The following NFILZ variants were observed in gnomAD, a reference collection of about 807,000 sequenced individuals.
NFILZ encodes NFIL3 like protein.
At chr19:8,657,059 G>T (rs1555748594) in intron 3 of NFILZ, among the ~76,000 whole-genome samples, 1 of 152,024 alleles carries the variant, frequency 6.6e-6, no homozygotes, top group African/African-American at 2.4e-5. Flanking sequence ...CTGTTGAAAG[G>T]AGTCTTGTTC....
chr19:8,634,610 A>G (rs1449755658), intron 2 of NFILZ, among the ~76,000 whole-genome samples: 1 of 152,180 alleles, frequency 6.6e-6, no homozygotes, highest in Non-Finnish European at 1.5e-5. Context: ...GTGTGGTGGC[A>G]CAGGCCTATA....
intron 3 of NFILZ, among the ~76,000 whole-genome samples, chr19:8,656,673 G>A (rs919758396): frequency 9.8e-5 from 15 of 152,306 alleles, no homozygotes; most frequent in African/African-American, 3.6e-4. Context: ...TCCCTGCTGC[G>A]CCCAGGCCTG....
intron 2 of NFILZ, among the ~76,000 whole-genome samples, chr19:8,634,792 A>T (rs1353350365): frequency 7.9e-5 from 12 of 152,100 alleles, no homozygotes; most frequent in Non-Finnish European, 4.4e-5. Flanking sequence ...AGGTGGGAGG[A>T]TCACTTGAAT....
intron 2 of NFILZ, among the ~76,000 whole-genome samples, chr19:8,633,477 G>A (rs575180177): frequency 2.4e-4 from 37 of 152,208 alleles, no homozygotes; most frequent in African/African-American, 6.5e-4. Flanking sequence ...GGGAAGCTGC[G>A]GCTAAGCTGA....
chr19:8,637,168 G>A (rs1555746183), intron 3 of NFILZ, among the ~76,000 whole-genome samples: 1 of 152,066 alleles, frequency 6.6e-6, no homozygotes, highest in East Asian at 1.9e-4. Context: ...CCAGGAGTTC[G>A]AGGCTGCAGT....
At chr19:8,664,679 G>C (rs925813511) in intron 3 of NFILZ, among the ~76,000 whole-genome samples, 1 of 152,114 alleles carries the variant, frequency 6.6e-6, no homozygotes, top group Admixed American at 6.5e-5. Flanking sequence ...TGGCCCTTCC[G>C]AGAAACCTGG....
At chr19:8,662,661 G>A (rs1217923376) in intron 3 of NFILZ, among the ~76,000 whole-genome samples, 1 of 147,562 alleles carries the variant, frequency 6.8e-6, no homozygotes, top group Admixed American at 6.8e-5. Context: ...TTTTTGAGAT[G>A]GAGTCTTTCT....
At chr19:8,644,672 C>T (rs945839714) in intron 3 of NFILZ, among the ~76,000 whole-genome samples, 2 of 151,642 alleles carry the variant, frequency 1.3e-5, no homozygotes, top group African/African-American at 2.4e-5. Context: ...TACCGTGTTG[C>T]CCAGGCTGGT....
intron 4 of NFILZ, among the ~76,000 whole-genome samples, chr19:8,674,901 C>T (rs193166962): frequency 3.5e-4 from 54 of 152,226 alleles, no homozygotes; most frequent in Admixed American, 4.6e-4. Flanking sequence ...AAAGTTACTA[C>T]GGTTTATCTT....
At chr19:8,643,161 G>A (rs1160039371) in intron 3 of NFILZ, among the ~76,000 whole-genome samples, 2 of 152,068 alleles carry the variant, frequency 1.3e-5, no homozygotes, top group East Asian at 3.9e-4. Context: ...TGTTGCTCAG[G>A]CTGGTCTCAA....
chr19:8,665,830 C>T (rs550422064), intron 3 of NFILZ, among the ~76,000 whole-genome samples: 19 of 152,202 alleles, frequency 1.2e-4, no homozygotes, highest in Non-Finnish European at 2.1e-4. Context: ...AAGCGACATG[C>T]CTAAACAATT....
intron 3 of NFILZ, among the ~76,000 whole-genome samples, chr19:8,671,140 A>T (rs1600155212): frequency 6.6e-6 from 1 of 152,096 alleles, no homozygotes. Flanking sequence ...CTTTGATGTC[A>T]CTGGTCAAGG....
At chr19:8,643,890 G>A (rs1487167020) in intron 3 of NFILZ, among the ~76,000 whole-genome samples, 2 of 151,988 alleles carry the variant, frequency 1.3e-5, no homozygotes, top group African/African-American at 4.8e-5. Flanking sequence ...CCACCTTTCT[G>A]ATCAGCTATT....
Position 8,632,561 on chromosome 19 carries a change from C to A in NFILZ, c.-325C>A. The A allele has an allele frequency of 6.6e-6, 1 of 152,176 alleles. No individual in the cohort carries two copies. The allele number at this position is 152,176 out of a possible 1,614,324, so 9.4% of individuals were successfully genotyped here. A position where few individuals can be genotyped will look rare whatever the true frequency, so the allele number is the denominator to read the frequency against. On this transcript the variant is annotated 5_prime_UTR_variant, in exon 2 of 6. Coordinates refer to ENST00000691075, the MANE Select transcript of NFILZ (RefSeq NM_001378600.1). Reference sequence around the variant, plus strand: ...CCTCACTGCTACACTCCCACCAGCCCCCTGACGGTTTACAGATGCCATGGC... The same window carrying A: ...CCTCACTGCTACACTCCCACCAGCCACCTGACGGTTTACAGATGCCATGGC...
rs11878369 is a variant in NFILZ, at chr19:8,653,858, A to G, written c.-164+18112A>G. On this transcript the variant is annotated intron_variant, in intron 3 of 5. Transcript: ENST00000691075. ...AGGCGGATGAGGGATAAAAGGCTAC[A>G]TGTTGGGTACAGTGTACATTTTCAG... 3.2e-3 allele frequency among the ~76,000 whole-genome samples: 480 copies of G among 152,312 alleles called. 5 individuals carry two copies. The highest frequency in any genetic ancestry group is 0.011 in the African/African-American group (456 of 41,560).
intron 3 of NFILZ, among the ~76,000 whole-genome samples, chr19:8,645,394 C>T (rs572107365): frequency 6.6e-6 from 1 of 151,814 alleles, no homozygotes; most frequent in Admixed American, 6.6e-5. Context: ...CCTGCCTAGG[C>T]CTCCCAAAGT....
At chr19:8,637,328 GA>G (rs1388377292) in intron 3 of NFILZ, among the ~76,000 whole-genome samples, 1 of 151,380 alleles carries the variant, frequency 6.6e-6, no homozygotes, top group Non-Finnish European at 1.5e-5. Context: ...CTGGGCAATA[GA>G]AAAAAAACCA....
chr19:8,638,187 A>G (rs572603153), intron 3 of NFILZ, among the ~76,000 whole-genome samples: 1 of 152,230 alleles, frequency 6.6e-6, no homozygotes, highest in East Asian at 1.9e-4. Flanking sequence ...TCTACAACGA[A>G]CTCATTGCCA....
chr19:8,651,055 A>G (rs994043474), intron 3 of NFILZ, among the ~76,000 whole-genome samples: 1 of 152,344 alleles, frequency 6.6e-6, no homozygotes, highest in South Asian at 2.1e-4. Context: ...ATAAAAACAT[A>G]CAATGTGTCC....
Sources: gnomAD v4.1 joint callset for allele counts (sites outside exome capture counted in the v4.1 genomes callset) on GRCh38, gnomAD v4.1.1 for gene constraint, MANE v1.5 for transcripts, NCBI Gene and HGNC (gene_info 2026-07-23, HGNC 2026-07-21) for gene names.